The following IFT74 variants were observed in gnomAD, a reference collection of about 807,000 sequenced individuals.
The protein encoded by IFT74 is intraflagellar transport protein 74 homolog.
In IFT74, 92 loss-of-function variants were observed where a neutral mutation model predicts 96.7. The ratio of observed to expected loss-of-function variants is 0.95; its 90% CI spans 0.80 to 1.13. The LOEUF (loss-of-function observed/expected upper bound fraction) is 1.13. Ranked by LOEUF, IFT74 falls within the 50% of genes most tolerant of loss-of-function variation. The pLI, the probability that IFT74 is intolerant of heterozygous loss-of-function variation, is 0.00. For missense variants in IFT74, 811 were observed against 698.2 expected, an observed-to-expected ratio of 1.16 and a Z score of -1.82; for synonymous variants, 223 against 213.2, an observed-to-expected ratio of 1.05 and a Z score of -0.40.
At chr9:26,982,345 C>T in intron 4 of IFT74, 1 of 444,110 alleles carries the variant, frequency 2.3e-6, no homozygotes, top group Non-Finnish European at 4.5e-6. Flanking sequence ...GTCACTGCAA[C>T]TTCCACCGCC....
intron 10 of IFT74, among the ~76,000 whole-genome samples, chr9:27,015,569 G>A (rs1047037411): frequency 3.9e-5 from 6 of 152,054 alleles, no homozygotes; most frequent in Non-Finnish European, 8.8e-5. Flanking sequence ...CCTGGGAGGC[G>A]GAGTTTGCAG....
intron 10 of IFT74, among the ~76,000 whole-genome samples, chr9:27,012,621 A>G (rs956032310): frequency 2.0e-5 from 3 of 150,034 alleles, no homozygotes; most frequent in African/African-American, 7.4e-5. Flanking sequence ...TACTTTTTTT[A>G]TTCATTTATT....
intron 8 of IFT74, among the ~76,000 whole-genome samples, chr9:27,002,473 A>T (rs777740774): frequency 6.6e-6 from 1 of 152,222 alleles, no homozygotes; most frequent in Non-Finnish European, 1.5e-5. Context: ...TGGATATGGC[A>T]AGAGATAGGG....
chr9:26,999,475 G>A, intron 8 of IFT74: 2 of 502,992 alleles, frequency 4.0e-6, no homozygotes, highest in South Asian at 4.4e-5. Flanking sequence ...ATTGGAATTT[G>A]GATATACAGA....
At chr9:27,010,155 T>A (rs1018105256) in intron 9 of IFT74, among the ~76,000 whole-genome samples, 7 of 151,194 alleles carry the variant, frequency 4.6e-5, no homozygotes, top group African/African-American at 1.7e-4. Flanking sequence ...GCCCGGCTGA[T>A]TTTTTGTATT....
intron 10 of IFT74, among the ~76,000 whole-genome samples, 200 bp downstream of exon 10, chr9:27,012,168 T>C (rs757448469): frequency 3.3e-4 from 51 of 152,332 alleles, no homozygotes; most frequent in Middle Eastern, 3.4e-3. Flanking sequence ...GTACCTACTA[T>C]GTATAAAACA....
intron 13 of IFT74, among the ~76,000 whole-genome samples, chr9:27,043,629 A>T (rs1316056629): frequency 6.6e-6 from 1 of 152,134 alleles, no homozygotes; most frequent in Non-Finnish European, 1.5e-5. Flanking sequence ...CATGTTTGTT[A>T]AACTCAACAT....
chr9:27,039,423 G>A (rs901422301), intron 13 of IFT74, among the ~76,000 whole-genome samples: 14 of 152,150 alleles, frequency 9.2e-5, no homozygotes, highest in African/African-American at 3.4e-4. Flanking sequence ...GTGGCTGGGC[G>A]TGGTGGCTCA....
intron 6 of IFT74, among the ~76,000 whole-genome samples, chr9:26,985,118 C>T (rs964256461): frequency 6.6e-6 from 1 of 152,054 alleles, no homozygotes; most frequent in Non-Finnish European, 1.5e-5. Context: ...AAATACTATG[C>T]AGTCATAAAA....
chr9:26,993,860 C>T (rs1828003718), intron 8 of IFT74: 1 of 152,060 alleles, frequency 6.6e-6, no homozygotes, highest in Non-Finnish European at 1.5e-5. Flanking sequence ...TATTATTTCA[C>T]CCATCAATAT....
intron 18 of IFT74, 145 bp from the exon 19 acceptor site, chr9:27,060,446 T>G: frequency 2.5e-6 from 1 of 408,070 alleles, no homozygotes; most frequent in Non-Finnish European, 4.5e-6. Context: ...TTTAATCTTT[T>G]TTTTTCTACC....
intron 12 of IFT74, among the ~76,000 whole-genome samples, chr9:27,020,212 A>T (rs1458436935): frequency 6.6e-6 from 1 of 151,996 alleles, no homozygotes; most frequent in Non-Finnish European, 1.5e-5. Flanking sequence ...TTGCCTTTTA[A>T]TGTCTCTCAT....
At chr9:26,963,893 T>C (rs1384299414) in intron 2 of IFT74, among the ~76,000 whole-genome samples, 1 of 152,164 alleles carries the variant, frequency 6.6e-6, no homozygotes, top group African/African-American at 2.4e-5. Flanking sequence ...GTTGCGAAAA[T>C]GTTCTCCCAT....
At chr9:26,954,075 T>C (rs1826010603), upstream of IFT74, among the ~76,000 whole-genome samples, 1 of 152,194 alleles carries the variant, frequency 6.6e-6, no homozygotes, top group Admixed American at 6.5e-5. Context: ...CATTGGACTA[T>C]TTTCCCTATT....
At chr9:27,044,632 G>T (rs1246111018) in intron 13 of IFT74, 110 bp from the exon 14 acceptor site, 6 of 626,208 alleles carry the variant, frequency 9.6e-6, no homozygotes, top group Non-Finnish European at 1.7e-5. Flanking sequence ...AATCGAACAC[G>T]TCGAATAGTC....
At chr9:27,044,498 C>T (rs1020528084) in intron 13 of IFT74, among the ~76,000 whole-genome samples, 6 of 152,134 alleles carry the variant, frequency 3.9e-5, no homozygotes, top group Non-Finnish European at 1.5e-5. Context: ...GGTTGAATAG[C>T]CCCAGGTTGG....
intron 1 of IFT74, among the ~76,000 whole-genome samples, chr9:26,957,916 A>C (rs566369629): frequency 1.6e-4 from 24 of 149,414 alleles, no homozygotes; most frequent in Admixed American, 5.3e-4. Context: ...CGCCCGGATA[A>C]TTTTTTTTTT....
Position 26,948,448 on chromosome 9 carries a change from A to ATTTT in IFT74, c.-20+1339_-20+1342dup, listed in dbSNP as rs71841244. Among the ~76,000 whole-genome samples the ATTTT allele has an allele frequency of 2.7e-3, 162 of 59,146 alleles. 27 individuals carry two copies. Among genetic ancestry groups the ATTTT allele is most frequent in the Non-Finnish European group, 4.5e-3 (117 of 26,074 alleles). 38.8% of individuals were successfully genotyped at this position (59,146 alleles called of 152,430 possible). Reference sequence around the variant, plus strand: ...TGACAACCTGTGATGGCTTTCCATTATTTTTTTTTTTTTTTTTTTTTTTTT... The same window carrying ATTTT: ...TGACAACCTGTGATGGCTTTCCATTATTTTTTTTTTTTTTTTTTTTTTTTTTTTT... On this transcript the variant is annotated intron_variant, in intron 1 of 19. Transcript: ENST00000433700.
intron 4 of IFT74, chr9:26,982,416 A>G: frequency 4.8e-6 from 2 of 416,010 alleles, no homozygotes; most frequent in Non-Finnish European, 4.7e-6. Context: ...AGCTGGGATT[A>G]CGGGTGCCTG....
Sources: gnomAD v4.1 joint callset for allele counts (sites outside exome capture counted in the v4.1 genomes callset) on GRCh38, gnomAD v4.1.1 for gene constraint, MANE v1.5 for transcripts, NCBI Gene and HGNC (gene_info 2026-07-23, HGNC 2026-07-21) for gene names.